The following PLSCR2 variants were observed in gnomAD, a reference collection of about 807,000 sequenced individuals.
PLSCR2 encodes PL scramblase 2.
In PLSCR2, 18 loss-of-function variants were observed where a neutral mutation model predicts 25.3. That is an observed-to-expected ratio of 0.71 (90% CI 0.49 to 1.06). The LOEUF is 1.06. PLSCR2 is among the 50% of genes least tolerant of loss of function. PLSCR2 has a pLI of 0.00. For missense variants in PLSCR2, 243 were observed against 269.5 expected (o/e 0.90, Z 0.69); for synonymous variants, 88 against 87.3 (o/e 1.01, Z -0.04).
upstream of PLSCR2, among the ~76,000 whole-genome samples, chr3:146,464,731 C>G (rs1003553749): frequency 3.9e-5 from 6 of 152,100 alleles, no homozygotes; most frequent in Admixed American, 3.9e-4. Context: ...ATTGAGGCAG[C>G]ATATACTATA....
At chr3:146,405,440 GACGGAGTCTGTC>G (rs2038633168) in intron 2 of PLSCR2, among the ~76,000 whole-genome samples, 1 of 152,096 alleles carries the variant, frequency 6.6e-6, no homozygotes, top group African/African-American at 2.4e-5. Flanking sequence ...AAAGAGCCAA[GACGGAGTCTGTC>G]TGGCTCTCTT....
chr3:146,439,144 G>A (rs1260417527), downstream of PLSCR2, among the ~76,000 whole-genome samples: 1 of 152,136 alleles, frequency 6.6e-6, no homozygotes, highest in African/African-American at 2.4e-5. Flanking sequence ...CGAGAGATCT[G>A]CTGTTAGTCT....
At chr3:146,446,680 T>G (rs1385919206) in intron 6 of PLSCR2, among the ~76,000 whole-genome samples, 3 of 152,086 alleles carry the variant, frequency 2.0e-5, no homozygotes, top group African/African-American at 7.2e-5. Flanking sequence ...TTCACTCAAG[T>G]CCCAAGAGCT....
intron 6 of PLSCR2, among the ~76,000 whole-genome samples, chr3:146,447,561 G>A (rs1299519259): frequency 6.6e-6 from 1 of 152,090 alleles, no homozygotes; most frequent in Admixed American, 6.5e-5. Flanking sequence ...TAGGGGGGTG[G>A]TATACAAGTT....
chr3:146,490,538 G>T (rs1176355458), intron 1 of PLSCR2, among the ~76,000 whole-genome samples: 1 of 152,092 alleles, frequency 6.6e-6, no homozygotes, highest in Non-Finnish European at 1.5e-5. Context: ...GAATCTGGGT[G>T]TTCCAGTGTT....
chr3:146,465,438 G>T (rs1050139109), upstream of PLSCR2, among the ~76,000 whole-genome samples: 10 of 151,970 alleles, frequency 6.6e-5, no homozygotes, highest in African/African-American at 2.4e-4. Flanking sequence ...AACTCACAGG[G>T]AAATCATACT....
chr3:146,489,605 G>A (rs1265123501), intron 1 of PLSCR2, among the ~76,000 whole-genome samples: 1 of 152,178 alleles, frequency 6.6e-6, no homozygotes, highest in East Asian at 1.9e-4. Context: ...TAGTTTAAAG[G>A]AATACAAGTG....
chr3:146,413,156 A>G (rs1423403848), intron 2 of PLSCR2, among the ~76,000 whole-genome samples: 1 of 152,108 alleles, frequency 6.6e-6, no homozygotes, highest in Admixed American at 6.5e-5. Flanking sequence ...CCATCTTCCA[A>G]AAACATTTGG....
At chr3:146,459,726 C>A (rs2041446221) in intron 2 of PLSCR2, 122 bp downstream of exon 2, 1 of 693,366 alleles carries the variant, frequency 1.4e-6, no homozygotes, top group South Asian at 2.0e-5. Context: ...TTTACCATTT[C>A]TGACTTTAAT....
At chr3:146,495,204 T>C (rs903668559) in intron 1 of PLSCR2, among the ~76,000 whole-genome samples, 13 of 152,208 alleles carry the variant, frequency 8.5e-5, no homozygotes, top group Admixed American at 6.5e-4. Flanking sequence ...ACTCCAACTA[T>C]GGCATTCGTT....
chr3:146,475,638 A>G (rs1206028962), intron 1 of PLSCR2, among the ~76,000 whole-genome samples: 2 of 152,334 alleles, frequency 1.3e-5, no homozygotes, highest in East Asian at 3.9e-4. Context: ...GACCACTGAC[A>G]TCTATTCAGT....
intron 1 of PLSCR2, among the ~76,000 whole-genome samples, chr3:146,488,879 G>A (rs1192947787): frequency 6.6e-6 from 1 of 152,070 alleles, no homozygotes; most frequent in African/African-American, 2.4e-5. Context: ...TATGTTAATT[G>A]CAGCACTATT....
At chr3:146,453,417 A>C (rs2041012669) in intron 5 of PLSCR2, among the ~76,000 whole-genome samples, 1 of 152,158 alleles carries the variant, frequency 6.6e-6, no homozygotes, top group Admixed American at 6.6e-5. Context: ...TCTGTTGGAG[A>C]ACTGCTGTAA....
At chr3:146,449,243 T>G (rs1008668781) in exon 6 of PLSCR2, 4 of 1,613,216 alleles carry the variant, frequency 2.5e-6, no homozygotes, top group Admixed American at 3.3e-5. Flanking sequence ...GGCTTTCATT[T>G]TAACATCAAG....
chr3:146,416,394 G>C (rs1363333090), intron 2 of PLSCR2: 2 of 152,152 alleles, frequency 1.3e-5, no homozygotes, highest in East Asian at 3.9e-4. Flanking sequence ...TAATGTTAAA[G>C]TCACAGTATT....
chr3:146,411,528 C>G (rs2038849943), intron 2 of PLSCR2, among the ~76,000 whole-genome samples: 1 of 152,216 alleles, frequency 6.6e-6, no homozygotes, highest in Admixed American at 6.5e-5. Context: ...CCCCTCCGAG[C>G]CAGCCGTCCT....
At chr3:146,426,612 AGAGT>A (rs141223556) in intron 2 of PLSCR2, among the ~76,000 whole-genome samples, 12,454 of 152,138 alleles carry the variant, frequency 0.082, 653 homozygotes, top group African/African-American at 0.14. Flanking sequence ...ACACCTACAA[AGAGT>A]GATTTGTATT....
intron 2 of PLSCR2, among the ~76,000 whole-genome samples, chr3:146,406,892 C>A: frequency 6.6e-6 from 1 of 152,126 alleles, no homozygotes; most frequent in East Asian, 1.9e-4. Flanking sequence ...GGATGGGTTC[C>A]TCGAACAAGT....
At chr3:146,440,759 T>C (rs2040193894), downstream of PLSCR2, among the ~76,000 whole-genome samples, 1 of 151,344 alleles carries the variant, frequency 6.6e-6, no homozygotes, top group African/African-American at 2.4e-5. Flanking sequence ...GCCACCTGAA[T>C]GTGTTATCCA....
Sources: gnomAD v4.1 joint callset for allele counts (sites outside exome capture counted in the v4.1 genomes callset) on GRCh38, gnomAD v4.1.1 for gene constraint, MANE v1.5 for transcripts, NCBI Gene and HGNC (gene_info 2026-07-23, HGNC 2026-07-21) for gene names.